SEMA3D: variants seen among roughly 807,000 people sequenced by gnomAD.
SEMA3D encodes semaphorin 3D.
A neutral mutation model predicts 100.1 loss-of-function variants in SEMA3D; 84 were observed. That is an observed-to-expected ratio of 0.84 (90% CI 0.70 to 1.01). The LOEUF is 1.01. Among genes scored for constraint, SEMA3D ranks in the 50% least tolerant of loss-of-function variants. The pLI, the probability that SEMA3D is intolerant of heterozygous loss-of-function variation, is 0.00. For missense variants in SEMA3D, 875 were observed against 934.1 expected (o/e 0.94, Z 0.82); for synonymous variants, 312 against 320.7 (o/e 0.97, Z 0.29).
rs1789505455 is a variant in SEMA3D, at chr7:84,996,531, T to C, written c.*2909A>G. On this transcript the variant is annotated 3_prime_UTR_variant, in exon 19 of 19. Coordinates refer to ENST00000284136, the MANE Select transcript of SEMA3D (RefSeq NM_001384900.1). ...AAGTCAATAATGTGGATGTAGTGTTTTGAGCTCTTTGGAAAAAAGGACTCT... is the reference window on the plus strand; with the variant it reads ...AAGTCAATAATGTGGATGTAGTGTTCTGAGCTCTTTGGAAAAAAGGACTCT... The C allele has an allele frequency of 6.6e-6, 1 of 152,186 alleles. No individual in the cohort carries two copies. Among genetic ancestry groups the C allele is most frequent in the Admixed American group, 6.6e-5 (1 of 15,262 alleles). The allele number at this position is 152,186 out of a possible 1,614,324, so 9.4% of individuals were successfully genotyped here.
intron 16 of SEMA3D, 49 bp downstream of exon 16, chr7:85,015,010 T>C: frequency 1.4e-6 from 2 of 1,428,786 alleles, no homozygotes; most frequent in Non-Finnish European, 2.0e-6. Flanking sequence ...ATGTGAGATA[T>C]TCAGCTTGTA....
intron 7 of SEMA3D, among the ~76,000 whole-genome samples, chr7:85,067,283 G>A (rs1791655257): frequency 6.6e-6 from 1 of 152,004 alleles, no homozygotes; most frequent in South Asian, 2.1e-4. Context: ...CCAATCTATT[G>A]TTTTGTTTTG....
chr7:85,237,178 T>A, the SEMA3D span, among the ~76,000 whole-genome samples: 4 of 152,190 alleles, frequency 2.6e-5, no homozygotes, highest in African/African-American at 9.7e-5. Flanking sequence ...CAGCAGAACA[T>A]ACAGTTAGAA....
chr7:85,105,328 C>T (rs1224639560), intron 3 of SEMA3D, among the ~76,000 whole-genome samples: 1 of 151,988 alleles, frequency 6.6e-6, no homozygotes, highest in Non-Finnish European at 1.5e-5. Flanking sequence ...TTGTCCAAGG[C>T]AAGGCATGGA....
intron 6 of SEMA3D, among the ~76,000 whole-genome samples, chr7:85,071,153 A>G (rs1393689805): frequency 6.6e-6 from 1 of 152,224 alleles, no homozygotes; most frequent in Non-Finnish European, 1.5e-5. Context: ...GCCTCAAAAC[A>G]CACTCAAACT....
chr7:85,077,142 A>C (rs1278299653), intron 5 of SEMA3D, among the ~76,000 whole-genome samples: 1 of 151,486 alleles, frequency 6.6e-6, no homozygotes, highest in Non-Finnish European at 1.5e-5. Flanking sequence ...ATTTTAATAG[A>C]TTGTTAATAC....
At chr7:85,080,216 T>C (rs184247114) in intron 5 of SEMA3D, among the ~76,000 whole-genome samples, 1 of 152,324 alleles carries the variant, frequency 6.6e-6, no homozygotes, top group African/African-American at 2.4e-5. Flanking sequence ...ATTTGAGCAG[T>C]ATCTGTATCC....
At chr7:85,040,318 TTATC>T (rs1325389663) in intron 11 of SEMA3D, among the ~76,000 whole-genome samples, 1 of 152,020 alleles carries the variant, frequency 6.6e-6, no homozygotes, top group East Asian at 1.9e-4. Flanking sequence ...TTTTGGGACT[TTATC>T]TCACAGATAC....
intron 9 of SEMA3D, among the ~76,000 whole-genome samples, chr7:85,052,983 G>A (rs771492349): frequency 5.3e-5 from 8 of 151,614 alleles, no homozygotes; most frequent in South Asian, 2.1e-4. Flanking sequence ...ATCTTTGACC[G>A]GTCAATAAAA....
intron 3 of SEMA3D, among the ~76,000 whole-genome samples, chr7:85,102,806 G>T (rs1359136181): frequency 6.6e-6 from 1 of 151,806 alleles, no homozygotes; most frequent in Non-Finnish European, 1.5e-5. Context: ...TACACAGTGA[G>T]AAAAATAAAT....
At chr7:85,173,614 G>A (rs544593671) in intron 1 of SEMA3D, among the ~76,000 whole-genome samples, 5 of 152,220 alleles carry the variant, frequency 3.3e-5, no homozygotes, top group Admixed American at 6.5e-5. Flanking sequence ...GTGGGAATTC[G>A]ATCTATTGTA....
In SEMA3D at chr7:85,037,681, T is replaced by A. The variant is rs544525005; in HGVS notation, c.1047-648A>T. Among the ~76,000 whole-genome samples, 6 of 152,196 alleles carry A rather than the reference T, an allele frequency of 3.9e-5. No homozygotes were observed. The South Asian group carries it at 1.2e-3, about 32-fold the overall frequency. ...GAATTTATGAGTTTATGTATTACAG[T>A]AGCTCATCTGATACTTAATTATAAT... On this transcript the variant is annotated intron_variant, in intron 11 of 18. Coordinates refer to ENST00000284136, the MANE Select transcript of SEMA3D (RefSeq NM_001384900.1).
the SEMA3D span, among the ~76,000 whole-genome samples, chr7:85,244,706 A>ATC: frequency 7.3e-6 from 1 of 137,742 alleles, no homozygotes; most frequent in South Asian, 2.3e-4. Flanking sequence ...GTACTGCACA[A>ATC]TCTTTTTTTT....
chr7:85,248,935 G>A, the SEMA3D span, among the ~76,000 whole-genome samples: 1 of 152,246 alleles, frequency 6.6e-6, no homozygotes, highest in Admixed American at 6.5e-5. Context: ...AAAACCCATA[G>A]AATATACAAC....
the SEMA3D span, among the ~76,000 whole-genome samples, chr7:85,224,534 AG>A: frequency 0.01 from 1,540 of 152,338 alleles, 26 homozygotes; most frequent in African/African-American, 0.035. Context: ...GGTCAAAAAA[AG>A]TTGTGTAAAA....
At chr7:85,173,502 C>T (rs1562844616) in intron 1 of SEMA3D, among the ~76,000 whole-genome samples, 1 of 152,070 alleles carries the variant, frequency 6.6e-6, no homozygotes, top group Non-Finnish European at 1.5e-5. Flanking sequence ...AAACACCATT[C>T]TCTTATGAAA....
chr7:85,040,589 C>T lies in SEMA3D; in HGVS notation c.1046+84G>A, dbSNP rs1790830886. The T allele has an allele frequency of 4.1e-6, 3 of 731,580 alleles. No homozygotes were observed. In the East Asian group the frequency reaches 8.1e-5, roughly 20 times the overall value. The allele number at this position is 731,580 out of a possible 1,614,324, so 45.3% of individuals were successfully genotyped here. On this transcript the variant is annotated intron_variant, in intron 11 of 18. Coordinates refer to ENST00000284136, the MANE Select transcript of SEMA3D (RefSeq NM_001384900.1). ...AGTTTACGATATGCTACTACAAACG[C>T]AGGGACAAAAAGATCCTATAACTAT...
At chr7:85,100,442 C>T (rs955885998) in intron 3 of SEMA3D, among the ~76,000 whole-genome samples, 2 of 151,262 alleles carry the variant, frequency 1.3e-5, no homozygotes, top group Non-Finnish European at 3.0e-5. Flanking sequence ...ACGATATTAT[C>T]TTATTTTTTA....
At chr7:85,046,809 C>T (rs1791020958) in intron 9 of SEMA3D, among the ~76,000 whole-genome samples, 1 of 151,914 alleles carries the variant, frequency 6.6e-6, no homozygotes, top group Non-Finnish European at 1.5e-5. Flanking sequence ...GGGAGGTAAC[C>T]ACTTTTGTAC....
Sources: allele counts gnomAD v4.1 joint callset (sites outside exome capture counted in the v4.1 genomes callset), GRCh38; gene constraint gnomAD v4.1.1; transcripts MANE v1.5; gene names NCBI Gene and HGNC (gene_info 2026-07-23, HGNC 2026-07-21).